Variants in QKI observed in about 807,000 individuals in gnomAD.
The protein encoded by QKI is QKI, KH domain containing RNA binding, also known as KH domain-containing RNA-binding protein QKI.
QKI carries 10 observed loss-of-function variants against 39.0 expected under a neutral mutation model. That is an observed-to-expected ratio of 0.26 (90% CI 0.16 to 0.43). QKI has a LOEUF of 0.43. Ranked by LOEUF, QKI falls within the 20% of genes least tolerant of loss-of-function variation. QKI has a pLI of 1.00. For missense variants in QKI, 218 were observed against 428.0 expected (o/e 0.51, Z 4.33); for synonymous variants, 204 against 155.4 (o/e 1.31, Z -2.33).
chr6:163,424,429 T>C (rs1788249541), intron 1 of QKI, among the ~76,000 whole-genome samples: 1 of 152,218 alleles, frequency 6.6e-6, no homozygotes, highest in South Asian at 2.1e-4. Flanking sequence ...AGCATTCTTG[T>C]ACTATAGACC....
Position 163,455,353 on chromosome 6 carries a change from C to T in QKI, c.217C>T (p.Pro73Ser). The T allele has an allele frequency of 6.2e-7, 1 of 1,612,670 alleles. No homozygotes were observed. The highest frequency in any genetic ancestry group is 8.5e-7 in the Non-Finnish European group (1 of 1,178,852). The change falls in exon 2 of 8, where the codon CCT becomes TCT. Residue 73 changes from proline to serine, a missense_variant. By Grantham distance (74) the Pro-to-Ser change is moderately conservative (BLOSUM62 -1). Around this residue, in one of 3 missense-constraint regions of QKI, gnomAD observed 61 missense variants for 193.3 expected, o/e 0.32. Transcript: ENST00000361752. ...GSTEKRSAELPDAVGPIVQLQ... is the reference protein window; with the variant it reads ...GSTEKRSAELSDAVGPIVQLQ... ...TACAGAGAAAAGGAGTGCAGAATTG[C>T]CTGATGCTGTGGGACCTATTGTTCA...
chr6:163,443,823 A>C (rs1789937662), intron 1 of QKI, among the ~76,000 whole-genome samples: 1 of 152,250 alleles, frequency 6.6e-6, no homozygotes, highest in African/African-American at 2.4e-5. Flanking sequence ...TTAAAAATCA[A>C]ATAAATTATT....
intron 1 of QKI, among the ~76,000 whole-genome samples, chr6:163,421,082 A>G (rs1787958821): frequency 1.3e-5 from 2 of 152,334 alleles, no homozygotes; most frequent in South Asian, 4.1e-4. Flanking sequence ...AAAAAAAATG[A>G]AAATCTGAAA....
At chr6:163,565,003 A>G (rs974005545) in intron 6 of QKI, 2 of 1,250,268 alleles carry the variant, frequency 1.6e-6, no homozygotes, top group African/African-American at 1.5e-5. Flanking sequence ...AAAGAAAGCC[A>G]TGATGCTCTG....
intron 7 of QKI, chr6:163,567,620 T>C (rs1468229399): frequency 2.0e-6 from 2 of 984,572 alleles, no homozygotes; most frequent in Non-Finnish European, 2.4e-6. Flanking sequence ...TTGGACCCTT[T>C]TATAAATTAT....
At chr6:163,455,007 A>G (rs1399388050) in intron 1 of QKI, among the ~76,000 whole-genome samples, 1 of 152,208 alleles carries the variant, frequency 6.6e-6, no homozygotes, top group Non-Finnish European at 1.5e-5. Flanking sequence ...AGTCCATATT[A>G]TACCGGTTAG....
intron 1 of QKI, chr6:163,423,398 A>C (rs1038118700): frequency 5.9e-5 from 9 of 152,266 alleles, no homozygotes; most frequent in African/African-American, 2.2e-4. Context: ...TTAGAGCTGC[A>C]GGGGACCTGA....
intron 2 of QKI, among the ~76,000 whole-genome samples, chr6:163,466,225 A>T (rs1791739881): frequency 6.6e-6 from 1 of 152,164 alleles, no homozygotes; most frequent in Admixed American, 6.6e-5. Context: ...TGCTCGCTGA[A>T]AAGTATAACA....
chr6:163,418,898 G>A (rs1787766083), intron 1 of QKI, among the ~76,000 whole-genome samples: 1 of 152,132 alleles, frequency 6.6e-6, no homozygotes, highest in South Asian at 2.1e-4. Flanking sequence ...TGGAGAACTA[G>A]TATTTTAAAA....
intron 3 of QKI, among the ~76,000 whole-genome samples, chr6:163,488,468 A>T (rs1168366253): frequency 6.6e-6 from 1 of 152,116 alleles, no homozygotes; most frequent in Non-Finnish European, 1.5e-5. Flanking sequence ...TAAATTTAGG[A>T]CTATAATGTT....
At chr6:163,415,378 G>T in intron 1 of QKI, 43 bp downstream of exon 1, 6 of 1,553,946 alleles carry the variant, frequency 3.9e-6, no homozygotes, top group Non-Finnish European at 4.4e-6. Flanking sequence ...ACCCCCGCCG[G>T]GGCGGCCCCT....
Position 163,532,163 on chromosome 6 carries a change from G to A in QKI, c.403-2819G>A, listed in dbSNP as rs190074618. On this transcript the variant is annotated intron_variant, in intron 3 of 7. Transcript: ENST00000361752. ...CTCTGGCTTTTCTCCATGTATAGAG[G>A]TTTCTGCGGCAAGTCAAATTTTAGT... Among the ~76,000 whole-genome samples the A allele has an allele frequency of 8.7e-4, 133 of 152,216 alleles. 2 individuals carry two copies. The highest frequency in any genetic ancestry group is 8.3e-3 in the Admixed American group (127 of 15,288).
intron 4 of QKI, among the ~76,000 whole-genome samples, chr6:163,539,598 G>T (rs1005992645): frequency 2.0e-5 from 3 of 152,066 alleles, no homozygotes; most frequent in Non-Finnish European, 2.9e-5. Context: ...GTCCAGTAGT[G>T]AACATTTCCC....
At chr6:163,432,190 C>T (rs1358464422) in intron 1 of QKI, among the ~76,000 whole-genome samples, 2 of 151,964 alleles carry the variant, frequency 1.3e-5, no homozygotes, top group Admixed American at 6.6e-5. Context: ...TAAATTCTTC[C>T]TCCAAATAAG....
intron 2 of QKI, among the ~76,000 whole-genome samples, chr6:163,458,495 C>T (rs1181667744): frequency 6.6e-6 from 1 of 152,180 alleles, no homozygotes; most frequent in Non-Finnish European, 1.5e-5. Flanking sequence ...TTGTATGAAA[C>T]TCATTCTTTC....
intron 3 of QKI, among the ~76,000 whole-genome samples, chr6:163,515,914 A>G (rs542994944): frequency 6.6e-6 from 1 of 151,776 alleles, no homozygotes; most frequent in South Asian, 2.1e-4. Context: ...CAAATCGGTC[A>G]CCTCTTTGTG....
intron 3 of QKI, among the ~76,000 whole-genome samples, chr6:163,499,811 G>A (rs1045625880): frequency 1.3e-5 from 2 of 152,138 alleles, no homozygotes; most frequent in Non-Finnish European, 2.9e-5. Flanking sequence ...AAAACTGGGA[G>A]GTTCTTGCTC....
In QKI at chr6:163,568,297, T is replaced by G. The variant is rs976089057; in HGVS notation, c.1009+1502T>G. 4 of 985,002 alleles carry G rather than the reference T, an allele frequency of 4.1e-6. No homozygotes were observed. The African/African-American group carries it at 7.0e-5, about 17-fold the overall frequency. 61.0% of individuals were successfully genotyped at this position (985,002 alleles called of 1,614,324 possible). A position where few individuals can be genotyped will look rare whatever the true frequency, so the allele number is the denominator to read the frequency against. On this transcript the variant is annotated intron_variant, in intron 7 of 7. Transcript: ENST00000361752. ...TATGTATGCCCCCTTTTAGGAGATTTCTCACCATTTTGCTTTAACACAATA... is the reference window on the plus strand; with the variant it reads ...TATGTATGCCCCCTTTTAGGAGATTGCTCACCATTTTGCTTTAACACAATA...
intron 1 of QKI, among the ~76,000 whole-genome samples, chr6:163,442,415 C>A (rs1166832653): frequency 6.6e-6 from 1 of 152,048 alleles, no homozygotes; most frequent in East Asian, 1.9e-4. Flanking sequence ...GAGTGGAGTC[C>A]TGAAACCAAA....
Sources: allele counts gnomAD v4.1 joint callset (sites outside exome capture counted in the v4.1 genomes callset), GRCh38; gene constraint gnomAD v4.1.1; regional missense constraint gnomAD v4.1.1; transcripts MANE v1.5; gene names NCBI Gene and HGNC (gene_info 2026-07-23, HGNC 2026-07-21).